CD44: variants seen among roughly 807,000 people sequenced by gnomAD.
CD44 encodes CD44 antigen.
A neutral mutation model predicts 88.8 loss-of-function variants in CD44; 49 were observed. The ratio of observed to expected loss-of-function variants is 0.55; its 90% CI spans 0.44 to 0.70. The LOEUF is 0.70. Ranked by LOEUF, CD44 falls within the 30% of genes least tolerant of loss-of-function variation. CD44 has a pLI of 0.00. For missense variants in CD44, 883 were observed against 913.8 expected, an observed-to-expected ratio of 0.97 and a Z score of 0.43; for synonymous variants, 325 against 312.3, an observed-to-expected ratio of 1.04 and a Z score of -0.43.
At chr11:35,222,493 C>G (rs766617016) in intron 17 of CD44, 6 of 1,202,352 alleles carry the variant, frequency 5.0e-6, no homozygotes, top group Non-Finnish European at 6.4e-6. Context: ...AAGACAGTCA[C>G]CTCGCTAGAA....
intron 1 of CD44, among the ~76,000 whole-genome samples, chr11:35,176,286 CCCG>C (rs1402079555): frequency 6.6e-6 from 1 of 152,090 alleles, no homozygotes; most frequent in Non-Finnish European, 1.5e-5. Context: ...TTGTGATCCG[CCCG>C]CCTCGGCCTC....
intron 15 of CD44, 94 bp from the exon 16 acceptor site, chr11:35,219,222 C>T: frequency 1.1e-6 from 1 of 883,838 alleles, no homozygotes; most frequent in Non-Finnish European, 1.9e-6. Flanking sequence ...CTCAGTGATT[C>T]AGAATGTGGA....
chr11:35,143,979 G>A (rs1432914299), intron 1 of CD44, among the ~76,000 whole-genome samples: 1 of 152,252 alleles, frequency 6.6e-6, no homozygotes, highest in Non-Finnish European at 1.5e-5. Flanking sequence ...CACATGCACA[G>A]ACCCAGAGAC....
intron 5 of CD44, among the ~76,000 whole-genome samples, chr11:35,193,649 A>G (rs889486849): frequency 2.0e-5 from 3 of 152,200 alleles, no homozygotes; most frequent in Non-Finnish European, 4.4e-5. Flanking sequence ...GGTTTTTGCC[A>G]TTCCATTTCA....
intron 9 of CD44, among the ~76,000 whole-genome samples, chr11:35,204,034 A>G (rs943237266): frequency 6.6e-6 from 1 of 152,156 alleles, no homozygotes; most frequent in Non-Finnish European, 1.5e-5. Flanking sequence ...CTGCTGGTGC[A>G]TTTCCAGTGT....
chr11:35,214,795 C>A, intron 14 of CD44, 57 bp from the exon 15 acceptor site: 3 of 958,482 alleles, frequency 3.1e-6, no homozygotes, highest in South Asian at 2.2e-5. Flanking sequence ...TAAAGAAATG[C>A]AGATGGGAGT....
At chr11:35,191,400 C>CTT (rs1946259243) in intron 5 of CD44, among the ~76,000 whole-genome samples, 1 of 152,178 alleles carries the variant, frequency 6.6e-6, no homozygotes, top group South Asian at 2.1e-4. Flanking sequence ...GCTGCCCATA[C>CTT]TTTCTTGGGT....
chr11:35,210,463 C>A (rs1211995904), intron 13 of CD44: 1 of 152,406 alleles, frequency 6.6e-6, no homozygotes, highest in Non-Finnish European at 1.5e-5. Context: ...TATGTTGTAT[C>A]TTTGTTCTTA....
At chr11:35,195,368 C>G (rs1431507889) in intron 5 of CD44, among the ~76,000 whole-genome samples, 1 of 151,566 alleles carries the variant, frequency 6.6e-6, no homozygotes, top group Non-Finnish European at 1.5e-5. Context: ...GAAAATAGTG[C>G]TCATGTTATG....
chr11:35,148,518 T>C (rs1590891547), intron 1 of CD44, among the ~76,000 whole-genome samples: 1 of 152,236 alleles, frequency 6.6e-6, no homozygotes, highest in East Asian at 1.9e-4. Context: ...GGTACATTCC[T>C]GTAGACTCCC....
At chr11:35,204,777 T>G in intron 10 of CD44, 137 bp downstream of exon 10, 12 of 739,034 alleles carry the variant, frequency 1.6e-5, no homozygotes, top group Non-Finnish European at 2.0e-5. Flanking sequence ...TATGCTGCAG[T>G]TCACACAGAG....
intron 1 of CD44, among the ~76,000 whole-genome samples, chr11:35,164,565 A>G (rs1159302109): frequency 2.0e-5 from 3 of 152,116 alleles, no homozygotes; most frequent in Non-Finnish European, 4.4e-5. Context: ...GCTTCTCTCC[A>G]TCTGGATGGC....
chr11:35,172,867 A>G (rs1247849204), intron 1 of CD44, among the ~76,000 whole-genome samples: 1 of 152,000 alleles, frequency 6.6e-6, no homozygotes, highest in Admixed American at 6.5e-5. Context: ...AAAATTTGAA[A>G]TCTATGTATA....
At chr11:35,198,967 C>A (rs74731177) in intron 7 of CD44, among the ~76,000 whole-genome samples, 132 of 127,900 alleles carry the variant, frequency 1.0e-3, no homozygotes, top group South Asian at 1.2e-3. Flanking sequence ...GACTCCATCT[C>A]AAAAAAAAAA....
At position 35,204,654 on chromosome 11, in the gene CD44, T is replaced by G. The variant is rs1245383738; in HGVS notation, c.1282+14T>G. The G allele has an allele frequency of 6.2e-7, 1 of 1,611,318 alleles. No homozygotes were observed. On this transcript the variant is annotated intron_variant, in intron 10 of 17. Transcript: ENST00000428726. ...CAGGGACAGCTGGTAATGGATGGTTTAACAAGTAAATTTGGATGGAAACTT... is the reference window on the plus strand; with the variant it reads ...CAGGGACAGCTGGTAATGGATGGTTGAACAAGTAAATTTGGATGGAAACTT...
chr11:35,211,276 A>T lies in CD44; in HGVS notation c.1637A>T (p.Asp546Val), dbSNP rs764104214. Residue 546 changes from aspartate to valine, a missense_variant, in exon 14 of 18, where the codon GAC becomes GTC. By Grantham distance (152) the Asp-to-Val change is radical. This residue lies in a region of CD44 where 631 missense variants were observed against 590.9 expected (regional missense o/e 1.07). Coordinates refer to ENST00000428726, the MANE Select transcript of CD44 (RefSeq NM_000610.4). ...AATGATGTCACAGGTGGAAGAAGAG[A>T]CCCAAATCATTCTGAAGGCTCAACT... ...NRNDVTGGRRDPNHSEGSTTL... is the reference protein window; with the variant it reads ...NRNDVTGGRRVPNHSEGSTTL... 2 of 1,613,858 alleles carry T rather than the reference A, an allele frequency of 1.2e-6. No individual in the cohort carries two copies. Among genetic ancestry groups the T allele is most frequent in the South Asian group, 1.1e-5 (1 of 91,068 alleles).
In CD44 at chr11:35,231,351, A is replaced by C. The variant is rs1950047324; in HGVS notation, c.*2018A>C. 6.6e-6 allele frequency: 1 copy of C among 152,192 alleles called. No individual in the cohort carries two copies. Among genetic ancestry groups the C allele is most frequent in the South Asian group, 2.1e-4 (1 of 4,832 alleles). 9.4% of individuals were successfully genotyped at this position (152,192 alleles called of 1,614,324 possible). A position where few individuals can be genotyped will look rare whatever the true frequency, so the allele number is the denominator to read the frequency against. On this transcript the variant is annotated 3_prime_UTR_variant, in exon 18 of 18. Transcript: ENST00000428726. ...ACAAGCCACTCCAGGACAAGGTTCA[A>C]AATGGTTACAACAGCCTCTACCTGT...
intron 3 of CD44, among the ~76,000 whole-genome samples, chr11:35,183,072 A>G (rs1055282813): frequency 1.4e-4 from 22 of 152,226 alleles, no homozygotes; most frequent in African/African-American, 5.3e-4. Context: ...TCAGTTGAAA[A>G]GCTTGAGAAG....
intron 9 of CD44, among the ~76,000 whole-genome samples, chr11:35,202,519 G>A (rs143779820): frequency 5.9e-5 from 9 of 152,078 alleles, no homozygotes; most frequent in African/African-American, 4.8e-5. Flanking sequence ...TATCTTATTT[G>A]GAATAAAAGT....
Sources: gnomAD v4.1 joint callset for allele counts (sites outside exome capture counted in the v4.1 genomes callset) on GRCh38, gnomAD v4.1.1 for gene constraint, gnomAD v4.1.1 regional missense constraint, MANE v1.5 for transcripts, NCBI Gene and HGNC (gene_info 2026-07-23, HGNC 2026-07-21) for gene names.